Variants in CNTNAP5 observed in about 807,000 individuals in gnomAD.
The protein encoded by CNTNAP5 is contactin-associated protein-like 5.
A neutral mutation model predicts 150.2 loss-of-function variants in CNTNAP5; 72 were observed. The ratio of observed to expected loss-of-function variants is 0.48; its 90% CI spans 0.40 to 0.58. The LOEUF is 0.58. Ranked by LOEUF, CNTNAP5 falls within the 20% of genes least tolerant of loss-of-function variation. CNTNAP5 has a pLI of 0.00. For synonymous variants in CNTNAP5, 672 were observed against 619.8 expected (o/e 1.08, Z -1.25); for missense variants, 1,636 against 1,626.2 (o/e 1.01, Z -0.10).
At chr2:124,663,578 G>A (rs1213525724) in intron 13 of CNTNAP5, among the ~76,000 whole-genome samples, 1 of 152,148 alleles carries the variant, frequency 6.6e-6, no homozygotes, top group Non-Finnish European at 1.5e-5. Context: ...TCCATTTTGG[G>A]AGTATGGAGG....
At chr2:124,502,447 G>A (rs1442235295) in intron 7 of CNTNAP5, among the ~76,000 whole-genome samples, 6 of 152,198 alleles carry the variant, frequency 3.9e-5, no homozygotes, top group Non-Finnish European at 8.8e-5. Flanking sequence ...CTCCTGGAAA[G>A]GGGATACTTT....
intron 19 of CNTNAP5, among the ~76,000 whole-genome samples, chr2:124,843,600 G>A (rs1033837729): frequency 1.3e-5 from 2 of 152,010 alleles, no homozygotes; most frequent in African/African-American, 2.4e-5. Context: ...TTTTCATAGC[G>A]GTTGCACTGG....
intron 3 of CNTNAP5, among the ~76,000 whole-genome samples, chr2:124,279,760 C>A (rs1687968494): frequency 6.6e-6 from 1 of 152,046 alleles, no homozygotes; most frequent in South Asian, 2.1e-4. Context: ...TGAGAGGAGT[C>A]ACAACCATTG....
intron 19 of CNTNAP5, among the ~76,000 whole-genome samples, chr2:124,861,986 G>A (rs1315313514): frequency 6.6e-6 from 1 of 151,942 alleles, no homozygotes; most frequent in Non-Finnish European, 1.5e-5. Flanking sequence ...GCTAATTTTT[G>A]TATTTTTTGT....
rs775678917 is a variant in CNTNAP5 at position 124,798,323 on chromosome 2, G to A, written c.3217+3G>A. The A allele has an allele frequency of 1.9e-6, 3 of 1,599,054 alleles. No homozygotes were observed. In the South Asian group the frequency reaches 3.3e-5, roughly 18 times the overall value. On this transcript the variant is annotated splice_donor_region_variant and intron_variant, in intron 19 of 23. Transcript: ENST00000682447. ...GGTTGTTCTGCTCTGCAAGAATGGT[G>A]AGTGTGATGGCATGATACCCAGCGG...
intron 11 of CNTNAP5, among the ~76,000 whole-genome samples, chr2:124,586,474 G>T (rs1259022204): frequency 6.6e-6 from 1 of 152,142 alleles, no homozygotes; most frequent in African/African-American, 2.4e-5. Flanking sequence ...AGGTTGAGTT[G>T]CTTTCCTGTT....
intron 13 of CNTNAP5, among the ~76,000 whole-genome samples, chr2:124,660,734 A>G (rs181820136): frequency 1.5e-3 from 232 of 152,178 alleles, no homozygotes; most frequent in African/African-American, 5.3e-3. Flanking sequence ...ATATTTTTAC[A>G]TCTAAACATA....
intron 10 of CNTNAP5, among the ~76,000 whole-genome samples, chr2:124,539,705 C>T (rs147161418): frequency 3.1e-4 from 47 of 152,200 alleles, no homozygotes; most frequent in South Asian, 4.1e-4. Flanking sequence ...AAGTTAAAAG[C>T]GAGAGAGACA....
chr2:124,560,096 G>T lies in CNTNAP5; in HGVS notation c.1650-3121G>T, dbSNP rs192165845. Among the ~76,000 whole-genome samples the T allele has an allele frequency of 2.3e-3, 352 of 152,196 alleles. 1 individual carries two copies. The highest frequency in any genetic ancestry group is 3.9e-3 in the Non-Finnish European group (266 of 68,012). On this transcript the variant is annotated intron_variant, in intron 10 of 23. Transcript: ENST00000682447. ...AATTGAGTTTATCATTGTAAAACAA[G>T]GTCTGTGTGAGGCATATTAAATATG...
At chr2:124,306,521 A>G (rs1688694848) in intron 3 of CNTNAP5, among the ~76,000 whole-genome samples, 2 of 151,728 alleles carry the variant, frequency 1.3e-5, no homozygotes, top group East Asian at 3.9e-4. Context: ...CCACACACAC[A>G]CTCCTGACAA....
intron 16 of CNTNAP5, among the ~76,000 whole-genome samples, chr2:124,765,473 CAATT>C (rs5834087): frequency 0.64 from 96,626 of 151,064 alleles, 31,549 homozygotes; most frequent in East Asian, 0.96. Flanking sequence ...TAAAAATAAA[CAATT>C]AGATTTGAGT....
intron 12 of CNTNAP5, among the ~76,000 whole-genome samples, chr2:124,629,629 C>T (rs1289347120): frequency 6.6e-6 from 1 of 151,874 alleles, no homozygotes; most frequent in African/African-American, 2.4e-5. Flanking sequence ...AAAATTGATA[C>T]CCTACCATCA....
intron 17 of CNTNAP5, among the ~76,000 whole-genome samples, chr2:124,773,836 C>T (rs1331319078): frequency 1.3e-5 from 2 of 149,978 alleles, no homozygotes; most frequent in Admixed American, 6.7e-5. Context: ...AGTGCCTGAG[C>T]CTTAACTACA....
chr2:124,327,349 A>T (rs967125354), intron 3 of CNTNAP5, among the ~76,000 whole-genome samples: 4 of 152,204 alleles, frequency 2.6e-5, no homozygotes, highest in Non-Finnish European at 4.4e-5. Flanking sequence ...AAATACTTGT[A>T]AACAAAATTC....
intron 13 of CNTNAP5, among the ~76,000 whole-genome samples, chr2:124,678,297 A>C (rs1021701709): frequency 6.6e-6 from 1 of 151,830 alleles, no homozygotes; most frequent in Non-Finnish European, 1.5e-5. Flanking sequence ...CTTTCTTGTC[A>C]GCATGTAGCT....
At chr2:124,751,600 A>G (rs1680728952) in intron 14 of CNTNAP5, among the ~76,000 whole-genome samples, 1 of 152,256 alleles carries the variant, frequency 6.6e-6, no homozygotes, top group Admixed American at 6.5e-5. Context: ...TTATTTCTTG[A>G]CAACTGACTT....
intron 16 of CNTNAP5, among the ~76,000 whole-genome samples, chr2:124,772,017 C>T (rs1326125218): frequency 2.0e-5 from 3 of 151,710 alleles, no homozygotes; most frequent in African/African-American, 7.3e-5. Context: ...TCATCATCAC[C>T]TCCATCACCA....
intron 13 of CNTNAP5, among the ~76,000 whole-genome samples, chr2:124,699,037 C>T (rs551992436): frequency 1.8e-4 from 28 of 152,144 alleles, no homozygotes; most frequent in African/African-American, 5.5e-4. Context: ...TGCAAATGAG[C>T]GATTTAATAT....
intron 10 of CNTNAP5, among the ~76,000 whole-genome samples, chr2:124,541,655 A>T (rs1017589801): frequency 6.6e-6 from 1 of 152,140 alleles, no homozygotes; most frequent in Non-Finnish European, 1.5e-5. Context: ...CGAACAAATA[A>T]TAAGGAAGGG....
Sources: allele counts gnomAD v4.1 joint callset (sites outside exome capture counted in the v4.1 genomes callset), GRCh38; gene constraint gnomAD v4.1.1; transcripts MANE v1.5; gene names NCBI Gene and HGNC (gene_info 2026-07-23, HGNC 2026-07-21).